Variants in ZNF41 observed in about 807,000 individuals in gnomAD.
ZNF41 encodes the protein zinc finger protein 41.
ZNF41 carries 6 observed loss-of-function variants against 9.3 expected under a neutral mutation model. That is an observed-to-expected ratio of 0.65 (90% CI 0.35 to 1.28). ZNF41 has a LOEUF of 1.28. Ranked by LOEUF, ZNF41 falls within the 50% of genes most tolerant of loss-of-function variation. ZNF41 has a pLI of 0.03. For missense variants in ZNF41, 523 were observed against 585.8 expected (o/e 0.89, Z 1.11); for synonymous variants, 192 against 207.1 (o/e 0.93, Z 0.63).
At chrX:47,455,447 T>C (rs1227832384) in intron 4 of ZNF41, among the ~76,000 whole-genome samples, 1 of 109,321 alleles carries the variant, frequency 9.1e-6, no homozygotes, top group Non-Finnish European at 1.9e-5. Flanking sequence ...TAGCTGGGCA[T>C]GGTGGCATGT....
intron 2 of ZNF41, among the ~76,000 whole-genome samples, chrX:47,458,213 C>G (rs2056644660): frequency 9.0e-6 from 1 of 111,667 alleles, no homozygotes; most frequent in South Asian, 3.7e-4. Flanking sequence ...CAGACCATCT[C>G]TAAACCAAGT....
chrX:47,457,620 C>A (rs964670822), intron 2 of ZNF41, among the ~76,000 whole-genome samples: 20 of 111,905 alleles, frequency 1.8e-4, no homozygotes, highest in African/African-American at 6.5e-4. Flanking sequence ...AGGCGGATCA[C>A]CTGAGGTCAG....
chrX:47,462,416 CTT>C (rs1305945229), intron 2 of ZNF41, among the ~76,000 whole-genome samples: 1 of 110,985 alleles, frequency 9.0e-6, no homozygotes, highest in Non-Finnish European at 1.9e-5. Context: ...CTAAATGTCT[CTT>C]GTTCCTTCCG....
intron 2 of ZNF41, among the ~76,000 whole-genome samples, chrX:47,457,705 C>T (rs923353836): frequency 2.7e-5 from 3 of 111,794 alleles, no homozygotes; most frequent in African/African-American, 6.5e-5. Flanking sequence ...CCGGGCACGG[C>T]GGGTGTCTGT....
rs764384431 is a variant in ZNF41, at chrX:47,445,278, CTAATAA to C, written c.*2146_*2151del. Reference sequence around the variant, plus strand: ...ACTAGGATAGCTATAATAAAAAAGACTAATAATAATAAGAGTTGGTAAGGATGTGGA... The same window carrying C: ...ACTAGGATAGCTATAATAAAAAAGACTAATAAGAGTTGGTAAGGATGTGGA... On this transcript the variant is annotated 3_prime_UTR_variant, in exon 5 of 5. Coordinates refer to ENST00000684689, the MANE Select transcript of ZNF41 (RefSeq NM_001324144.2). 1.8e-5 allele frequency among the ~76,000 whole-genome samples: 2 copies of C among 111,184 alleles called. No homozygotes were observed. The highest frequency in any genetic ancestry group is 3.8e-4 in the South Asian group (1 of 2,644).
At position 47,448,830 on chromosome X, in the gene ZNF41, C is replaced by G. The variant is rs1332583974; in HGVS notation, c.940G>C (p.Val314Leu). The G allele has an allele frequency of 8.3e-7, 1 of 1,211,507 alleles. No homozygotes were observed. The highest frequency in any genetic ancestry group is 1.1e-6 in the Non-Finnish European group (1 of 895,472). Reference protein sequence around the residue: ...SNKVFPQKPQVDVHPSVYTGE... With the variant: ...SNKVFPQKPQLDVHPSVYTGE... ...GTATAAACACTTGGATGTACATCAACCTGGGGTTTCTGGGGGAAGACTTTG... is the reference window on the plus strand; with the variant it reads ...GTATAAACACTTGGATGTACATCAAGCTGGGGTTTCTGGGGGAAGACTTTG... Residue 314 changes from valine to leucine, a missense_variant, in exon 5 of 5, where the codon GTT becomes CTT. By Grantham distance (32) the Val-to-Leu change is conservative (BLOSUM62 1). Coordinates refer to ENST00000684689, the MANE Select transcript of ZNF41 (RefSeq NM_001324144.2).
chrX:47,453,796 G>A (rs1602851076), intron 4 of ZNF41, among the ~76,000 whole-genome samples: 2 of 112,056 alleles, frequency 1.8e-5, no homozygotes, highest in African/African-American at 6.5e-5. Flanking sequence ...AGCTGGCCGG[G>A]CGCGGTGGGT....
At chrX:47,452,909 T>G (rs760251046) in intron 4 of ZNF41, among the ~76,000 whole-genome samples, 1 of 111,995 alleles carries the variant, frequency 8.9e-6, no homozygotes, top group South Asian at 3.8e-4. Context: ...ATCTTTATGT[T>G]AACCATTCTC....
chrX:47,447,968 T>C lies in ZNF41; in HGVS notation c.1802A>G (p.His601Arg). 1.7e-6 allele frequency: 2 copies of C among 1,212,020 alleles called. No homozygotes were observed. The highest frequency in any genetic ancestry group is 2.2e-6 in the Non-Finnish European group (2 of 895,572). ...ACAAACGTACGGTTTCTCTCCTGTA[T>C]GGATTCTCTGATGCACGCTTAGTGT... ...KSTLSVHQRI[H>R]TGEKPYVCPE... The change falls in exon 5 of 5, where the codon CAT (histidine) becomes CGT (arginine). Residue 601 changes from histidine (H) to arginine (R), a missense_variant. By Grantham distance (29) the His-to-Arg change is conservative. Coordinates refer to ENST00000684689, the MANE Select transcript of ZNF41 (RefSeq NM_001324144.2).
At chrX:47,453,524 G>T (rs961902961) in intron 4 of ZNF41, among the ~76,000 whole-genome samples, 6 of 111,931 alleles carry the variant, frequency 5.4e-5, no homozygotes, top group African/African-American at 1.9e-4. Context: ...TTGAGCAGAG[G>T]TTACAGAAAA....
intron 2 of ZNF41, among the ~76,000 whole-genome samples, chrX:47,466,427 G>C (rs1041020042): frequency 9.0e-6 from 1 of 111,377 alleles, no homozygotes; most frequent in Admixed American, 9.6e-5. Flanking sequence ...GCTGTGGTGC[G>C]GTGAGGGTGG....
At position 47,454,326 on chromosome X, in the gene ZNF41, C is replaced by T. The variant is rs1429751929; in HGVS notation, c.295+1595G>A. Among the ~76,000 whole-genome samples, 4 of 110,202 alleles carry T rather than the reference C, an allele frequency of 3.6e-5. No individual in the cohort carries two copies. The Admixed American group carries it at 3.9e-4, about 11-fold the overall frequency. The stretch of plus-strand genomic sequence containing the variant: ...ATGTCCAAATTAAAAATTAGATACC[C>T]TACTGTTGCATCACGAGGTTAAAAA... On this transcript the variant is annotated intron_variant, in intron 4 of 4. Transcript: ENST00000684689.
At position 47,449,003 on chromosome X, in the gene ZNF41, T is replaced by G; in HGVS notation, c.767A>C (p.Gln256Pro). The G allele has an allele frequency of 8.3e-7, 1 of 1,211,431 alleles. No homozygotes were observed. The highest frequency in any genetic ancestry group is 1.1e-6 in the Non-Finnish European group (1 of 895,489). ...AATTTTCTGATGGTGGGTGGGAGCT[T>G]GTTTGTGGCTGAGATGTTTTTCATA... Reference protein sequence around the residue: ...DHYEKHLSHKQAPTHHQKIHP... With the variant: ...DHYEKHLSHKPAPTHHQKIHP... Residue 256 changes from glutamine (Q) to proline (P), a missense_variant, in exon 5 of 5, where the codon CAA becomes CCA. Coordinates refer to ENST00000684689, the MANE Select transcript of ZNF41 (RefSeq NM_001324144.2).
rs777453298 is a variant in ZNF41, at chrX:47,448,919, G to A, written c.851C>T (p.Ser284Leu). ...AATTCTCTGATGCTCAAACAGATGT[G>A]ACTTCTGAGTGAAGCCCATTACACA... ...TECVMGFTQK[S>L]HLFEHQRIHA... The change falls in exon 5 of 5, where the codon TCA (serine) becomes TTA (leucine). Residue 284 changes from serine to leucine, a missense_variant. Physicochemically the swap from Ser to Leu is moderately radical, Grantham distance 145. Transcript: ENST00000684689. 8.3e-7 allele frequency: 1 copy of A among 1,209,611 alleles called. No individual in the cohort carries two copies. The highest frequency in any genetic ancestry group is 1.8e-5 in the African/African-American group (1 of 57,059).
At chrX:47,459,052 C>T (rs915645145) in intron 2 of ZNF41, among the ~76,000 whole-genome samples, 7 of 110,603 alleles carry the variant, frequency 6.3e-5, no homozygotes, top group Admixed American at 9.7e-5. Flanking sequence ...TCCATTGCAA[C>T]AGAATATAGA....
intron 2 of ZNF41, among the ~76,000 whole-genome samples, chrX:47,463,888 C>T (rs2056899646): frequency 9.0e-6 from 1 of 111,590 alleles, no homozygotes; most frequent in Non-Finnish European, 1.9e-5. Context: ...GCAATCCATT[C>T]TCTGGGTCGT....
In ZNF41 at chrX:47,445,597, C is replaced by T. The variant is rs2056090484; in HGVS notation, c.*1833G>A. On this transcript the variant is annotated 3_prime_UTR_variant, in exon 5 of 5. Transcript: ENST00000684689. The stretch of plus-strand genomic sequence containing the variant: ...GTACATTGGTACAACCACTTGAAAA[C>T]TGGTTTTATAACATATAGCTGAACA... 8.9e-6 allele frequency among the ~76,000 whole-genome samples: 1 copy of T among 112,169 alleles called. No homozygotes were observed. The highest frequency in any genetic ancestry group is 3.7e-4 in the South Asian group (1 of 2,734).
intron 2 of ZNF41, among the ~76,000 whole-genome samples, chrX:47,462,910 G>GTATATATATATATATATA (rs61273021): frequency 1.1e-5 from 1 of 92,758 alleles, no homozygotes; most frequent in African/African-American, 4.0e-5. Context: ...TTTTTTGTAT[G>GTATATATATATATATATA]TATATATATA....
chrX:47,449,078 G>T lies in ZNF41; in HGVS notation c.692C>A (p.Thr231Asn). Residue 231 changes from threonine (T) to asparagine (N), a missense_variant, in exon 5 of 5, where the codon ACT becomes AAT. Physicochemically the swap from Thr to Asn is moderately conservative, Grantham distance 65. Coordinates refer to ENST00000684689, the MANE Select transcript of ZNF41 (RefSeq NM_001324144.2). ...GNNFPHSPSS[T>N]KNENAKTGAN... is the part of the protein sequence containing the mutation. ...TCCTGTTTTAGCATTCTCATTCTTAGTAGAGGAAGGGCTATGGGGGAAATT... is the reference window on the plus strand; with the variant it reads ...TCCTGTTTTAGCATTCTCATTCTTATTAGAGGAAGGGCTATGGGGGAAATT... 8.3e-7 allele frequency: 1 copy of T among 1,211,411 alleles called. No individual in the cohort carries two copies. The highest frequency in any genetic ancestry group is 1.1e-6 in the Non-Finnish European group (1 of 895,414).
Sources: gnomAD v4.1 joint callset for allele counts (sites outside exome capture counted in the v4.1 genomes callset) on GRCh38, gnomAD v4.1.1 for gene constraint, MANE v1.5 for transcripts, NCBI Gene and HGNC (gene_info 2026-07-23, HGNC 2026-07-21) for gene names.